The following BTBD9 variants were observed in gnomAD, a reference collection of about 807,000 sequenced individuals.
BTBD9 encodes the protein BTB domain containing 9.
Under a neutral mutation model 64.3 loss-of-function variants are expected in BTBD9, and 49 were observed. The observed-to-expected ratio is 0.76, with a 90% confidence interval of 0.61 to 0.97. The LOEUF is 0.97. Ranked by LOEUF, BTBD9 falls within the 50% of genes least tolerant of loss-of-function variation. BTBD9 has a pLI of 0.00. For missense variants in BTBD9, 598 were observed against 762.1 expected (o/e 0.78, Z 2.53); for synonymous variants, 260 against 274.7 (o/e 0.95, Z 0.53).
chr6:38,600,123 C>A (rs1040457266), intron 1 of BTBD9, among the ~76,000 whole-genome samples: 2 of 152,166 alleles, frequency 1.3e-5, no homozygotes, highest in African/African-American at 4.8e-5. Flanking sequence ...AATGTGTACA[C>A]ACAACAACTG....
At chr6:38,188,009 G>A (rs950168048) in intron 10 of BTBD9, among the ~76,000 whole-genome samples, 2 of 152,180 alleles carry the variant, frequency 1.3e-5, no homozygotes, top group Admixed American at 6.5e-5. Flanking sequence ...TGCAGCAGAC[G>A]GAGACTGAGC....
intron 6 of BTBD9, among the ~76,000 whole-genome samples, chr6:38,530,377 A>G (rs1582585468): frequency 1.3e-5 from 2 of 152,112 alleles, no homozygotes; most frequent in East Asian, 3.9e-4. Context: ...CCTTTGAAGC[A>G]TGTGATCTTT....
chr6:38,428,554 A>G (rs1285351985), intron 6 of BTBD9, among the ~76,000 whole-genome samples: 1 of 151,688 alleles, frequency 6.6e-6, no homozygotes, highest in Non-Finnish European at 1.5e-5. Flanking sequence ...CACAGGGTCC[A>G]TGACTTGTTT....
At chr6:38,245,708 G>A (rs773977681) in intron 9 of BTBD9, among the ~76,000 whole-genome samples, 79 of 152,078 alleles carry the variant, frequency 5.2e-4, no homozygotes, top group Non-Finnish European at 7.9e-4. Flanking sequence ...GAGGGAATGT[G>A]GGGGGGTCAG....
intron 1 of BTBD9, among the ~76,000 whole-genome samples, chr6:38,635,243 C>A (rs916433748): frequency 6.6e-6 from 1 of 152,164 alleles, no homozygotes; most frequent in African/African-American, 2.4e-5. Flanking sequence ...TCAAGCGATT[C>A]TCTTGCCTTA....
At chr6:38,549,896 C>T (rs1774721935) in intron 6 of BTBD9, among the ~76,000 whole-genome samples, 1 of 152,066 alleles carries the variant, frequency 6.6e-6, no homozygotes, top group African/African-American at 2.4e-5. Context: ...CTTACATGAC[C>T]TCTTGGCACC....
At chr6:38,443,519 A>T (rs137971353) in intron 6 of BTBD9, among the ~76,000 whole-genome samples, 241 of 152,076 alleles carry the variant, frequency 1.6e-3, no homozygotes, top group African/African-American at 5.5e-3. Context: ...CAGTGCTACC[A>T]CTTCCTCTCT....
chr6:38,521,404 G>A (rs1319340754), intron 6 of BTBD9, among the ~76,000 whole-genome samples: 1 of 152,158 alleles, frequency 6.6e-6, no homozygotes, highest in African/African-American at 2.4e-5. Context: ...CTTTAATACA[G>A]GTTGAGTATC....
At chr6:38,334,762 AAT>A (rs1763829000) in intron 7 of BTBD9, among the ~76,000 whole-genome samples, 1 of 152,190 alleles carries the variant, frequency 6.6e-6, no homozygotes, top group Non-Finnish European at 1.5e-5. Context: ...ATAATAAGGG[AAT>A]ACATAAGTAG....
intron 1 of BTBD9, among the ~76,000 whole-genome samples, chr6:38,623,376 T>G (rs911815949): frequency 1.1e-4 from 16 of 152,324 alleles, no homozygotes; most frequent in Admixed American, 5.9e-4. Context: ...GGAACCATAA[T>G]AGCTAGTTTA....
chr6:38,594,130 G>C lies in BTBD9; in HGVS notation c.383C>G (p.Ser128Cys). The C allele has an allele frequency of 6.2e-7, 1 of 1,614,182 alleles. No individual in the cohort carries two copies. The highest frequency in any genetic ancestry group is 1.1e-5 in the South Asian group (1 of 91,080). ...TATGGTGCAGAGATACTCAGAGGTA[G>C]AATCCTCTAGCTCTGGAAATCCATA... is the stretch of plus-strand genomic sequence containing the variant. ...HKYGFPELED[S>C]TSEYLCTILN... Residue 128 changes from serine to cysteine, a missense_variant, in exon 3 of 11, where the codon TCT becomes TGT. Coordinates refer to ENST00000481247, the MANE Select transcript of BTBD9 (RefSeq NM_001099272.2).
At chr6:38,572,347 T>C (rs1333687126) in intron 6 of BTBD9, among the ~76,000 whole-genome samples, 4 of 152,108 alleles carry the variant, frequency 2.6e-5, no homozygotes, top group Non-Finnish European at 1.5e-5. Context: ...CCTTAGCTGG[T>C]GAAGCATGCC....
At chr6:38,439,918 T>A (rs1209719638) in intron 6 of BTBD9, among the ~76,000 whole-genome samples, 2 of 152,158 alleles carry the variant, frequency 1.3e-5, no homozygotes, top group African/African-American at 4.8e-5. Flanking sequence ...AAGAGGGATA[T>A]GACAGAATGA....
intron 6 of BTBD9, among the ~76,000 whole-genome samples, chr6:38,503,563 C>T (rs78004174): frequency 3.3e-5 from 5 of 152,212 alleles, no homozygotes; most frequent in Admixed American, 6.5e-5. Context: ...CTTGTTCCCC[C>T]CTACTACTCT....
intron 7 of BTBD9, among the ~76,000 whole-genome samples, chr6:38,304,875 G>A (rs12660323): frequency 0.069 from 10,489 of 152,194 alleles, 963 homozygotes; most frequent in East Asian, 0.41. Context: ...CCAAGATGAG[G>A]CAATCATTCT....
At chr6:38,204,037 T>C (rs1382196676) in intron 9 of BTBD9, among the ~76,000 whole-genome samples, 1 of 152,070 alleles carries the variant, frequency 6.6e-6, no homozygotes, top group Non-Finnish European at 1.5e-5. Context: ...AAACACTATG[T>C]ATCAATAAAA....
rs1777461428 is a variant in BTBD9, at chr6:38,607,277, T to C, written c.-27-9156A>G. ...AAAATAAAGACTAAACAGTAATTTATAATGAAAAATTAAGAATAGAAACCA... is the reference window on the plus strand; with the variant it reads ...AAAATAAAGACTAAACAGTAATTTACAATGAAAAATTAAGAATAGAAACCA... On this transcript the variant is annotated intron_variant, in intron 1 of 10. Coordinates refer to ENST00000481247, the MANE Select transcript of BTBD9 (RefSeq NM_001099272.2). Among the ~76,000 whole-genome samples, 4 of 152,140 alleles carry C rather than the reference T, an allele frequency of 2.6e-5. No homozygotes were observed. In the South Asian group the frequency reaches 8.3e-4, roughly 32 times the overall value.
intron 6 of BTBD9, among the ~76,000 whole-genome samples, chr6:38,427,300 G>C (rs1237323543): frequency 6.6e-6 from 1 of 151,734 alleles, no homozygotes; most frequent in African/African-American, 2.4e-5. Flanking sequence ...GACCAGCCTG[G>C]GCAACACAGC....
intron 6 of BTBD9, among the ~76,000 whole-genome samples, chr6:38,544,644 G>A (rs1310625455): frequency 2.6e-5 from 4 of 151,888 alleles, no homozygotes; most frequent in Admixed American, 2.6e-4. Flanking sequence ...ATGAGGGTGT[G>A]GGCCAGGCTC....
Sources: allele counts gnomAD v4.1 joint callset (sites outside exome capture counted in the v4.1 genomes callset), GRCh38; gene constraint gnomAD v4.1.1; transcripts MANE v1.5; gene names NCBI Gene and HGNC (gene_info 2026-07-23, HGNC 2026-07-21).